Variants in XG observed in about 807,000 individuals in gnomAD.
XG encodes glycoprotein Xg.
XG carries 24 observed loss-of-function variants against 25.7 expected under a neutral mutation model. That is an observed-to-expected ratio of 0.93 (90% confidence interval 0.68 to 1.31). The LOEUF is 1.31. Among genes scored for constraint, XG ranks in the 40% most tolerant of loss-of-function variants. The pLI, the probability that XG is intolerant of heterozygous loss-of-function variation, is 0.00. For synonymous variants in XG, 77 were observed against 69.2 expected (o/e 1.11, Z -0.56); for missense variants, 181 against 187.6 (o/e 0.96, Z 0.21).
intron 7 of XG, among the ~76,000 whole-genome samples, chrX:2,805,983 A>AT (rs964798621): frequency 6.2e-5 from 7 of 112,100 alleles, no homozygotes; most frequent in Non-Finnish European, 1.3e-4. Context: ...TCAAATCTGT[A>AT]TTTTTAAAAA....
At chrX:2,791,440 C>T (rs1020041740) in intron 5 of XG, among the ~76,000 whole-genome samples, 1 of 110,805 alleles carries the variant, frequency 9.0e-6, no homozygotes, top group African/African-American at 3.3e-5. Context: ...AGTGCCTTTT[C>T]CCTTGGGTCT....
At chrX:2,767,220 G>A (rs311143) in intron 1 of XG, among the ~76,000 whole-genome samples, 99,207 of 151,296 alleles carry the variant, frequency 0.66, 32,938 homozygotes, top group South Asian at 0.8. Flanking sequence ...GGGTCCCAGA[G>A]GGGTTTGGTG....
At chrX:2,763,586 C>T (rs2050612618) in intron 1 of XG, among the ~76,000 whole-genome samples, 1 of 152,164 alleles carries the variant, frequency 6.6e-6, no homozygotes, top group Admixed American at 6.5e-5. Context: ...ACAAACTTGG[C>T]CTCCTTAACC....
At chrX:2,798,053 AAAAAG>A (rs768409598) in intron 7 of XG, among the ~76,000 whole-genome samples, 176 of 111,326 alleles carry the variant, frequency 1.6e-3, no homozygotes, top group African/African-American at 2.2e-3. Flanking sequence ...TGTCTCAAAG[AAAAAG>A]AAAAGAAAAG....
At chrX:2,773,159 G>A in intron 2 of XG, among the ~76,000 whole-genome samples, 1 of 150,698 alleles carries the variant, frequency 6.6e-6, no homozygotes, top group East Asian at 2.0e-4. Context: ...GAGGAAAACA[G>A]GGAGGGAGGG....
chrX:2,767,120 C>G (rs779078190), intron 1 of XG, among the ~76,000 whole-genome samples: 1 of 152,044 alleles, frequency 6.6e-6, no homozygotes, highest in Non-Finnish European at 1.5e-5. Flanking sequence ...GCCTGAACCA[C>G]GTGCAGGTCT....
At chrX:2,782,239 C>G in intron 4 of XG, 111 bp downstream of exon 4, 1 of 845,737 alleles carries the variant, frequency 1.2e-6, no homozygotes, top group Non-Finnish European at 1.7e-6. Flanking sequence ...TGTAATAGCT[C>G]CCTTACTGGG....
At chrX:2,757,793 A>G (rs2050466517) in intron 1 of XG, among the ~76,000 whole-genome samples, 1 of 151,374 alleles carries the variant, frequency 6.6e-6, no homozygotes, top group Non-Finnish European at 1.5e-5. Flanking sequence ...CCAACATGGC[A>G]GAACGCTGTT....
At chrX:2,808,480 A>G (rs995937561) in intron 9 of XG, 37 of 998,964 alleles carry the variant, frequency 3.7e-5, no homozygotes, top group Middle Eastern at 8.2e-4. Context: ...AAGGCTGTGA[A>G]TGAGTGCTGA....
At chrX:2,753,734 C>G (rs917617876) in intron 1 of XG, among the ~76,000 whole-genome samples, 8 of 152,024 alleles carry the variant, frequency 5.3e-5, no homozygotes, top group African/African-American at 1.9e-4. Context: ...AGGTGCCCAC[C>G]ACCACACCCA....
At chrX:2,785,686 G>C (rs2086777055) in intron 4 of XG, among the ~76,000 whole-genome samples, 1 of 111,544 alleles carries the variant, frequency 9.0e-6, no homozygotes, top group African/African-American at 3.3e-5. Context: ...GTTAATTATG[G>C]ATAGTGTGGT....
chrX:2,803,063 A>C (rs2086960027), intron 7 of XG, among the ~76,000 whole-genome samples: 1 of 111,999 alleles, frequency 8.9e-6, no homozygotes. Flanking sequence ...TAATTTTTGC[A>C]AAGGCGGTTT....
chrX:2,789,239 A>G (rs188497969), intron 4 of XG, among the ~76,000 whole-genome samples: 18 of 111,886 alleles, frequency 1.6e-4, no homozygotes, highest in Admixed American at 7.7e-4. Context: ...TCAAAACAAC[A>G]ACAACACAAA....
chrX:2,801,067 C>T (rs2086931876), intron 7 of XG, among the ~76,000 whole-genome samples: 1 of 108,749 alleles, frequency 9.2e-6, no homozygotes, highest in Admixed American at 9.9e-5. Context: ...CACCATCTTT[C>T]TGGAACTAGC....
intron 1 of XG, among the ~76,000 whole-genome samples, chrX:2,769,210 C>T (rs771197543): frequency 6.6e-6 from 1 of 152,220 alleles, no homozygotes; most frequent in African/African-American, 2.4e-5. Flanking sequence ...TGAACCTTCC[C>T]CCAGAGCAAG....
In XG at chrX:2,757,963, C is replaced by A. The variant is rs1310341142; in HGVS notation, c.61+5628C>A. ...CTCCAGCCTGGGTGACAGAGTAAGA[C>A]TCCATCTCAAAAAAAAAAAAAAAAA... On this transcript the variant is annotated intron_variant, in intron 1 of 10. Coordinates refer to ENST00000644266, the MANE Select transcript of XG (RefSeq NM_001141919.2). 1.3e-4 allele frequency among the ~76,000 whole-genome samples: 15 copies of A among 112,408 alleles called. No homozygotes were observed. The Admixed American group carries it at 1.6e-3, about 12-fold the overall frequency. 73.7% of individuals were successfully genotyped at this position (112,408 alleles called of 152,430 possible). A position where few individuals can be genotyped will look rare whatever the true frequency, so the allele number is the denominator to read the frequency against.
intron 4 of XG, among the ~76,000 whole-genome samples, chrX:2,783,169 A>G (rs1356005625): frequency 9.0e-6 from 1 of 111,436 alleles, no homozygotes. Flanking sequence ...AGTGCTCCAA[A>G]TACCTTTGGC....
chrX:2,768,726 C>T (rs2050752180), intron 1 of XG, among the ~76,000 whole-genome samples: 1 of 152,116 alleles, frequency 6.6e-6, no homozygotes, highest in Non-Finnish European at 1.5e-5. Flanking sequence ...TGAGATTGTG[C>T]CACTGCACTC....
intron 1 of XG, among the ~76,000 whole-genome samples, chrX:2,765,200 A>G (rs311133): frequency 0.74 from 111,922 of 151,396 alleles, 41,589 homozygotes; most frequent in East Asian, 0.94. Context: ...AAAAAAAATT[A>G]GTTGGGCATA....
Sources: gnomAD v4.1 joint callset for allele counts (sites outside exome capture counted in the v4.1 genomes callset) on GRCh38, gnomAD v4.1.1 for gene constraint, MANE v1.5 for transcripts, NCBI Gene and HGNC (gene_info 2026-07-23, HGNC 2026-07-21) for gene names.